Variants in ZNF536 observed in about 807,000 individuals in gnomAD.
The protein encoded by ZNF536 is zinc finger protein 536.
Under a neutral mutation model 84.5 loss-of-function variants are expected in ZNF536, and 13 were observed. That is an observed-to-expected ratio of 0.15 (90% CI 0.10 to 0.24). The LOEUF is 0.24. ZNF536 is among the 10% of genes least tolerant of loss of function. The probability of loss-of-function intolerance (pLI) is 1.00; values close to 1 mark genes in which losing one functional copy is unlikely to be tolerated. For synonymous variants in ZNF536, 811 were observed against 742.5 expected, an observed-to-expected ratio of 1.09 and a Z score of -1.50; for missense variants, 1,536 against 1,747.5, an observed-to-expected ratio of 0.88 and a Z score of 2.16.
chr19:30,363,580 T>C (rs1483409482), intron 3 of ZNF536, among the ~76,000 whole-genome samples: 1 of 151,822 alleles, frequency 6.6e-6, no homozygotes, highest in Non-Finnish European at 1.5e-5. Flanking sequence ...ACAAACCACA[T>C]CGCAAAGTAG....
intron 1 of ZNF536, among the ~76,000 whole-genome samples, chr19:30,242,459 G>C (rs911519927): frequency 5.9e-5 from 9 of 152,136 alleles, no homozygotes; most frequent in African/African-American, 2.2e-4. Flanking sequence ...AGGGTGGGAG[G>C]GTCCATCATG....
chr19:30,523,230 T>C (rs1407299088), intron 2 of ZNF536, among the ~76,000 whole-genome samples: 1 of 152,162 alleles, frequency 6.6e-6, no homozygotes, highest in African/African-American at 2.4e-5. Context: ...ATCTGCCCCC[T>C]CCCCATGCCA....
rs1430300403 is a variant in ZNF536, at chr19:30,445,049, C to G, written c.1487C>G (p.Pro496Arg). The G allele has an allele frequency of 6.2e-7, 1 of 1,613,418 alleles. No homozygotes were observed. The highest frequency in any genetic ancestry group is 8.5e-7 in the Non-Finnish European group (1 of 1,179,992). The change falls in exon 2 of 5, where the codon CCG (proline) becomes CGG (arginine). Residue 496 changes from proline (P) to arginine (R), a missense_variant. This residue lies in a region of ZNF536 where 366 missense variants were observed against 364.4 expected (regional missense o/e 1.00). Transcript: ENST00000355537. This position sits in a 1 kb window ranked among gnomAD's most constrained non-coding sequence, Gnocchi z 4.5. ...CTCCTGGGATGCCTCAATCTCGTGC[C>G]GCCGCTGAAATCCAGCTGCATCGAG... ...HSLLGCLNLV[P>R]PLKSSCIERL...
At chr19:30,331,848 C>T (rs188600055) in intron 2 of ZNF536, among the ~76,000 whole-genome samples, 1 of 152,248 alleles carries the variant, frequency 6.6e-6, no homozygotes, top group Non-Finnish European at 1.5e-5. Flanking sequence ...TGCAGGGGAC[C>T]TTGTCTTCCC....
In ZNF536 at chr19:30,576,753, C is replaced by G. The variant is rs188963455; in HGVS notation, c.169+27239C>G. On this transcript the variant is annotated intron_variant, in intron 1 of 1. Coordinates refer to the ZNF536 transcript ENST00000592773. ...TTTTCTTCCTGCAAATCCACCTGGT[C>G]CACGTGGGGACTGGAGGCTTTCTTG... 7.4e-4 allele frequency among the ~76,000 whole-genome samples: 113 copies of G among 152,306 alleles called. 2 individuals carry two copies. In the South Asian group the frequency reaches 8.7e-3, roughly 12 times the overall value.
At chr19:30,305,746 C>A (rs1365655804) in intron 2 of ZNF536, among the ~76,000 whole-genome samples, 1 of 152,206 alleles carries the variant, frequency 6.6e-6, no homozygotes, top group Non-Finnish European at 1.5e-5. Flanking sequence ...CTCTTCTAGG[C>A]AGAATTGGGT....
Position 30,423,962 on chromosome 19 carries a change from G to A in ZNF536, c.-2-19599G>A, listed in dbSNP as rs147233091. On this transcript the variant is annotated intron_variant, in intron 1 of 4. Coordinates refer to ENST00000355537, the MANE Select transcript of ZNF536 (RefSeq NM_014717.3). The stretch of plus-strand genomic sequence containing the variant: ...ATGGTGTCTTGAAAAAAAGACAGGG[G>A]GCAAGTTTCCCAGGGTCTGGGCAGT... Among the ~76,000 whole-genome samples the A allele has an allele frequency of 1.6e-3, 250 of 152,240 alleles. 3 individuals carry two copies. Among genetic ancestry groups the A allele is most frequent in the African/African-American group, 5.9e-3 (244 of 41,560 alleles).
intron 1 of ZNF536, among the ~76,000 whole-genome samples, chr19:30,242,776 A>G (rs1339692832): frequency 6.6e-6 from 1 of 152,244 alleles, no homozygotes; most frequent in Non-Finnish European, 1.5e-5. Context: ...ACTTGAAAGT[A>G]CATCTCATGC....
At chr19:30,500,238 G>A (rs1315386736) in intron 2 of ZNF536, among the ~76,000 whole-genome samples, 4 of 152,326 alleles carry the variant, frequency 2.6e-5, no homozygotes, top group African/African-American at 7.2e-5. Context: ...ATGGACTTGG[G>A]TCTCACAATC....
chr19:30,606,629 T>C (rs964186394), intron 1 of ZNF536, among the ~76,000 whole-genome samples: 5 of 152,144 alleles, frequency 3.3e-5, no homozygotes, highest in Admixed American at 1.3e-4. Context: ...AGTTCCATCA[T>C]GAATTGGTAG....
intron 3 of ZNF536, among the ~76,000 whole-genome samples, chr19:30,354,425 T>C (rs1169250324): frequency 6.6e-6 from 1 of 152,190 alleles, no homozygotes; most frequent in Non-Finnish European, 1.5e-5. Context: ...TGGAGGGCAG[T>C]GGTGCAGTCA....
intron 1 of ZNF536, among the ~76,000 whole-genome samples, chr19:30,689,195 A>G (rs2051312445): frequency 6.6e-6 from 1 of 152,190 alleles, no homozygotes; most frequent in Non-Finnish European, 1.5e-5. Context: ...TCTGCCTCCA[A>G]AGCTGAGAAC....
At chr19:30,243,913 A>C (rs527768240) in intron 1 of ZNF536, among the ~76,000 whole-genome samples, 1 of 152,210 alleles carries the variant, frequency 6.6e-6, no homozygotes, top group African/African-American at 2.4e-5. Flanking sequence ...TGCCATTGCA[A>C]TTTGTATTCA....
chr19:30,340,762 A>G (rs949409116), intron 2 of ZNF536, among the ~76,000 whole-genome samples: 3 of 152,184 alleles, frequency 2.0e-5, no homozygotes, highest in Non-Finnish European at 4.4e-5. Flanking sequence ...TTCCATGAGG[A>G]CATGAGAGTG....
rs536768821 is a variant in ZNF536 at position 30,351,934 on chromosome 19, C to T, written c.-119-434C>T. Among the ~76,000 whole-genome samples the T allele has an allele frequency of 1.4e-3, 219 of 152,296 alleles. 1 individual carries two copies. Among genetic ancestry groups the T allele is most frequent in the Non-Finnish European group, 2.0e-3 (139 of 68,032 alleles). On this transcript the variant is annotated intron_variant, in intron 2 of 5. Coordinates refer to the ZNF536 transcript ENST00000585628. ...GGGGGAGAAGAACAAAGGGACTTCC[C>T]GCTCCTGCCAATATAATCATATCAA... is the stretch of plus-strand genomic sequence containing the variant.
At chr19:30,506,499 T>G (rs191367480) in intron 2 of ZNF536, among the ~76,000 whole-genome samples, 1 of 152,258 alleles carries the variant, frequency 6.6e-6, no homozygotes, top group African/African-American at 2.4e-5. Flanking sequence ...TTCTTTTAGG[T>G]CCCTTAACAG....
At chr19:30,335,445 C>A (rs903088288) in intron 2 of ZNF536, among the ~76,000 whole-genome samples, 3 of 152,168 alleles carry the variant, frequency 2.0e-5, no homozygotes, top group Non-Finnish European at 4.4e-5. Flanking sequence ...CCTTTTCCCA[C>A]GTGGTCTGTG....
At chr19:30,378,050 T>C (rs2048884154) in intron 1 of ZNF536, among the ~76,000 whole-genome samples, 1 of 152,196 alleles carries the variant, frequency 6.6e-6, no homozygotes, top group Non-Finnish European at 1.5e-5. Flanking sequence ...GCTGATGGTC[T>C]CAACATGGTC....
At chr19:30,326,115 T>G (rs1177521887) in intron 2 of ZNF536, among the ~76,000 whole-genome samples, 2 of 152,250 alleles carry the variant, frequency 1.3e-5, no homozygotes, top group East Asian at 1.9e-4. Flanking sequence ...GATTTAATAG[T>G]GCTGGGGTCA....
Sources: gnomAD v4.1 joint callset for allele counts (sites outside exome capture counted in the v4.1 genomes callset) on GRCh38, gnomAD v4.1.1 for gene constraint, gnomAD v4.1.1 regional missense constraint, Gnocchi (gnomAD v3.1) non-coding constraint, MANE v1.5 for transcripts, NCBI Gene and HGNC (gene_info 2026-07-23, HGNC 2026-07-21) for gene names.